Variants in NPY2R observed in about 807,000 individuals in gnomAD.
NPY2R encodes neuropeptide Y receptor Y2.
NPY2R carries 17 observed loss-of-function variants against 22.3 expected under a neutral mutation model. The observed-to-expected ratio is 0.76, with a 90% CI of 0.52 to 1.14. The LOEUF (loss-of-function observed/expected upper bound fraction) is 1.14. Among genes scored for constraint, NPY2R ranks in the 50% most tolerant of loss-of-function variants. NPY2R has a pLI of 0.00. For missense variants in NPY2R, 424 were observed against 467.9 expected (o/e 0.91, Z 0.87); for synonymous variants, 209 against 183.4 (o/e 1.14, Z -1.13).
At chr4:155,192,498 A>G in the NPY2R span, among the ~76,000 whole-genome samples, 1 of 152,054 alleles carries the variant, frequency 6.6e-6, no homozygotes, top group Non-Finnish European at 1.5e-5. Context: ...GGTATTTATA[A>G]TAATTTTCTA....
chr4:155,214,084 G>A lies in NPY2R; in HGVS notation c.145G>A (p.Val49Ile), dbSNP rs374458370. The change falls in exon 2 of 2, where the codon GTA becomes ATA. Residue 49 changes from valine (V) to isoleucine (I), a missense_variant. Coordinates refer to ENST00000329476, the MANE Select transcript of NPY2R (RefSeq NM_000910.4). ...TATAGATAGTACCAAGCTGATTGAGGTACAAGTTGTTCTCATATTGGCCTA... is the reference window on the plus strand; with the variant it reads ...TATAGATAGTACCAAGCTGATTGAGATACAAGTTGTTCTCATATTGGCCTA... Reference protein sequence around the residue: ...ELIDSTKLIEVQVVLILAYCS... With the variant: ...ELIDSTKLIEIQVVLILAYCS... 31 of 1,613,892 alleles carry A rather than the reference G, an allele frequency of 1.9e-5. No individual in the cohort carries two copies. Among genetic ancestry groups the A allele is most frequent in the Non-Finnish European group, 2.5e-5 (30 of 1,179,924 alleles).
the NPY2R span, among the ~76,000 whole-genome samples, chr4:155,192,675 A>C: frequency 6.6e-6 from 1 of 151,972 alleles, no homozygotes; most frequent in African/African-American, 2.4e-5. Context: ...AATACCCATC[A>C]ATGAGTAACC....
intron 1 of NPY2R, among the ~76,000 whole-genome samples, chr4:155,210,966 G>T (rs747808483): frequency 1.5e-5 from 2 of 131,702 alleles, no homozygotes; most frequent in Non-Finnish European, 3.2e-5. Context: ...TAATTTAACA[G>T]GGTCTCAGGA....
At chr4:155,204,499 C>G (rs1729245617), upstream of NPY2R, among the ~76,000 whole-genome samples, 1 of 152,032 alleles carries the variant, frequency 6.6e-6, no homozygotes, top group South Asian at 2.1e-4. Flanking sequence ...TTTTAAAATA[C>G]CTCGCTCTTA....
intron 1 of NPY2R, among the ~76,000 whole-genome samples, chr4:155,213,028 G>A (rs1578900738): frequency 6.6e-6 from 1 of 152,180 alleles, no homozygotes; most frequent in Non-Finnish European, 1.5e-5. Flanking sequence ...AAGTAACTAG[G>A]ATGGAAAATC....
At chr4:155,206,525 T>C (rs544622378), upstream of NPY2R, 1 of 152,352 alleles carries the variant, frequency 6.6e-6, no homozygotes, top group East Asian at 1.9e-4. Flanking sequence ...TTTCAGTTTA[T>C]CAGTTTCTCA....
At chr4:155,181,110 A>T in the NPY2R span, among the ~76,000 whole-genome samples, 2 of 152,218 alleles carry the variant, frequency 1.3e-5, no homozygotes, top group Non-Finnish European at 2.9e-5. Context: ...CGTGGAGGTC[A>T]TTTCCAGGAT....
intron 1 of NPY2R, among the ~76,000 whole-genome samples, chr4:155,213,021 T>C (rs1488457092): frequency 6.6e-6 from 1 of 152,166 alleles, no homozygotes; most frequent in Non-Finnish European, 1.5e-5. Context: ...CTAAGTGAAG[T>C]AACTAGGATG....
chr4:155,206,398 T>C (rs560340740), upstream of NPY2R: 1 of 152,340 alleles, frequency 6.6e-6, no homozygotes, highest in East Asian at 1.9e-4. Context: ...GTTACTACAA[T>C]ACACAGGATA....
At chr4:155,193,809 C>T in the NPY2R span, among the ~76,000 whole-genome samples, 4 of 151,944 alleles carry the variant, frequency 2.6e-5, no homozygotes, top group African/African-American at 9.7e-5. Context: ...GTAAGAGGCA[C>T]TGTGCTAGAT....
chr4:155,206,932 T>TATA (rs1425951089), upstream of NPY2R: 1 of 152,200 alleles, frequency 6.6e-6, no homozygotes, highest in Non-Finnish European at 1.5e-5. Context: ...ACCTGTCACA[T>TATA]ATAACACATA....
At chr4:155,197,436 C>T in the NPY2R span, among the ~76,000 whole-genome samples, 1 of 151,828 alleles carries the variant, frequency 6.6e-6, no homozygotes, top group Non-Finnish European at 1.5e-5. Context: ...CTTCTTCCTT[C>T]CTTCCTTCTT....
chr4:155,212,352 T>G (rs901959376), intron 1 of NPY2R, among the ~76,000 whole-genome samples: 5 of 152,212 alleles, frequency 3.3e-5, no homozygotes, highest in African/African-American at 1.2e-4. Flanking sequence ...TCGTAATTGT[T>G]TCAAACAATC....
chr4:155,199,542 A>G, the NPY2R span, among the ~76,000 whole-genome samples: 1 of 152,166 alleles, frequency 6.6e-6, no homozygotes, highest in Non-Finnish European at 1.5e-5. Context: ...GGAACCAAAA[A>G]AGAGCCCATA....
chr4:155,176,877 G>A, the NPY2R span, among the ~76,000 whole-genome samples: 2 of 152,282 alleles, frequency 1.3e-5, no homozygotes, highest in Non-Finnish European at 2.9e-5. Context: ...TCACATGGCA[G>A]AAGGGACAAA....
chr4:155,215,487 C>T lies in NPY2R; in HGVS notation c.*402C>T, dbSNP rs1729496743. ...TTGAGGAGGTGTGCAGTTCGCTGCT[C>T]CCTGCTTGGCTTATGAAAACACCAC... On this transcript the variant is annotated 3_prime_UTR_variant, in exon 2 of 2. Transcript: ENST00000329476. The T allele has an allele frequency of 3.7e-6, 1 of 273,920 alleles. No homozygotes were observed. Among genetic ancestry groups the T allele is most frequent in the African/African-American group, 2.2e-5 (1 of 44,544 alleles). 17.0% of individuals were successfully genotyped at this position (273,920 alleles called of 1,614,324 possible).
chr4:155,211,996 G>T (rs1729414140), intron 1 of NPY2R, among the ~76,000 whole-genome samples: 1 of 152,186 alleles, frequency 6.6e-6, no homozygotes, highest in Non-Finnish European at 1.5e-5. Context: ...GAATCCCAAG[G>T]ACTTGGAGCT....
At chr4:155,201,611 A>T in the NPY2R span, among the ~76,000 whole-genome samples, 1 of 152,106 alleles carries the variant, frequency 6.6e-6, no homozygotes, top group Admixed American at 6.6e-5. Flanking sequence ...GCAGGGTAGG[A>T]TGATCACATG....
the NPY2R span, chr4:155,173,810 T>G: frequency 1.3e-5 from 2 of 152,018 alleles, no homozygotes; most frequent in African/African-American, 4.8e-5. Context: ...ACTAAATGTG[T>G]TTTTCTCTCT....
Sources: allele counts gnomAD v4.1 joint callset (sites outside exome capture counted in the v4.1 genomes callset), GRCh38; gene constraint gnomAD v4.1.1; transcripts MANE v1.5; gene names NCBI Gene and HGNC (gene_info 2026-07-23, HGNC 2026-07-21).